SLC24A3: variants seen among roughly 807,000 people sequenced by gnomAD.
SLC24A3 encodes the protein solute carrier family 24 member 3, also known as sodium/potassium/calcium exchanger 3.
Under a neutral mutation model 75.8 loss-of-function variants are expected in SLC24A3, and 28 were observed. That is an observed-to-expected ratio of 0.37 (90% CI 0.27 to 0.51). The LOEUF (loss-of-function observed/expected upper bound fraction) is 0.51, where lower values mean the gene tolerates loss of function less well. Among genes scored for constraint, SLC24A3 ranks in the 20% least tolerant of loss-of-function variants. SLC24A3 has a pLI of 0.94. For synonymous variants in SLC24A3, 372 were observed against 334.1 expected (o/e 1.11, Z -1.24); for missense variants, 663 against 847.8 (o/e 0.78, Z 2.71).
At chr20:19,426,386 T>TA (rs1321436465) in intron 2 of SLC24A3, among the ~76,000 whole-genome samples, 2 of 152,220 alleles carry the variant, frequency 1.3e-5, no homozygotes, top group Non-Finnish European at 2.9e-5. Context: ...GGACTGTGTT[T>TA]AAAATTACTT....
intron 2 of SLC24A3, among the ~76,000 whole-genome samples, chr20:19,400,668 G>A (rs1986536368): frequency 6.6e-6 from 1 of 152,000 alleles, no homozygotes; most frequent in East Asian, 1.9e-4. Context: ...TAGCTGTCTT[G>A]GTCTCCTTAG....
intron 1 of SLC24A3, among the ~76,000 whole-genome samples, chr20:19,239,053 G>C (rs889012509): frequency 6.7e-6 from 1 of 150,080 alleles, no homozygotes; most frequent in Non-Finnish European, 1.5e-5. Flanking sequence ...ACAGTGTGGG[G>C]AAAAGTGTTA....
At chr20:19,245,732 A>T (rs1982468539) in intron 1 of SLC24A3, among the ~76,000 whole-genome samples, 1 of 152,130 alleles carries the variant, frequency 6.6e-6, no homozygotes, top group Non-Finnish European at 1.5e-5. Context: ...TTTAATGCTA[A>T]TGGTAATTTT....
At chr20:19,488,714 G>A (rs1266868220) in intron 2 of SLC24A3, among the ~76,000 whole-genome samples, 1 of 152,118 alleles carries the variant, frequency 6.6e-6, no homozygotes, top group Non-Finnish European at 1.5e-5. Flanking sequence ...TGAAATATTT[G>A]CATATACGTA....
intron 12 of SLC24A3, among the ~76,000 whole-genome samples, chr20:19,692,940 CCT>C (rs2032760964): frequency 6.6e-6 from 1 of 152,060 alleles, no homozygotes. Flanking sequence ...ACCTGAGTAT[CCT>C]CCTCTCTTTT....
At chr20:19,565,406 G>T (rs375504507) in intron 3 of SLC24A3, among the ~76,000 whole-genome samples, 14 of 77,042 alleles carry the variant, frequency 1.8e-4, no homozygotes, top group East Asian at 7.7e-4. Context: ...GTGTTCTCGG[G>T]GGGTGGGGGG....
chr20:19,232,038 AT>A (rs566528776), intron 1 of SLC24A3, among the ~76,000 whole-genome samples: 3 of 152,136 alleles, frequency 2.0e-5, no homozygotes, highest in South Asian at 2.1e-4. Context: ...TGGATGATTA[AT>A]TTTTTTCCCA....
At chr20:19,403,168 T>C (rs955991968) in intron 2 of SLC24A3, among the ~76,000 whole-genome samples, 32 of 152,234 alleles carry the variant, frequency 2.1e-4, no homozygotes, top group African/African-American at 6.0e-4. Flanking sequence ...AGTGTCACAA[T>C]TGTACTTTTC....
chr20:19,693,212 T>TGTG, intron 12 of SLC24A3, 47 bp from the exon 13 acceptor site: 1 of 1,555,756 alleles, frequency 6.4e-7, no homozygotes, highest in Non-Finnish European at 8.6e-7. Context: ...ACTGGGGTTC[T>TGTG]TTGTTATTTT....
intron 2 of SLC24A3, among the ~76,000 whole-genome samples, chr20:19,393,270 G>A (rs1019518531): frequency 6.6e-6 from 1 of 152,122 alleles, no homozygotes; most frequent in Admixed American, 6.5e-5. Flanking sequence ...GGGTACTCGA[G>A]GGTATGATAG....
At chr20:19,595,944 C>T (rs1201277930) in intron 6 of SLC24A3, among the ~76,000 whole-genome samples, 1 of 152,072 alleles carries the variant, frequency 6.6e-6, no homozygotes, top group Non-Finnish European at 1.5e-5. Context: ...AATGTTCATA[C>T]AGAAGCAAGC....
intron 9 of SLC24A3, 152 bp from the exon 10 acceptor site, chr20:19,681,706 G>A: frequency 1.7e-6 from 2 of 1,170,424 alleles, no homozygotes; most frequent in Non-Finnish European, 2.4e-6. Flanking sequence ...TATTCTGAGG[G>A]GGAATGGGTT....
At chr20:19,259,113 G>T (rs1982906315) in intron 1 of SLC24A3, among the ~76,000 whole-genome samples, 1 of 152,210 alleles carries the variant, frequency 6.6e-6, no homozygotes, top group South Asian at 2.1e-4. Context: ...TTATTTCATG[G>T]ATCTCCCAGG....
At chr20:19,429,690 T>C (rs188440982) in intron 2 of SLC24A3, among the ~76,000 whole-genome samples, 1 of 152,238 alleles carries the variant, frequency 6.6e-6, no homozygotes, top group East Asian at 1.9e-4. Context: ...AAATAAATAA[T>C]GTTCTGGGCC....
chr20:19,462,850 C>T (rs533618337), intron 2 of SLC24A3, among the ~76,000 whole-genome samples: 10 of 152,314 alleles, frequency 6.6e-5, no homozygotes, highest in African/African-American at 2.4e-4. Flanking sequence ...AATGCTTTTC[C>T]ACTTAGAAAA....
chr20:19,372,050 G>A (rs1370819698), intron 2 of SLC24A3, among the ~76,000 whole-genome samples: 1 of 152,182 alleles, frequency 6.6e-6, no homozygotes, highest in East Asian at 1.9e-4. Context: ...GCCTTGGAAG[G>A]GATGTGTAGG....
chr20:19,608,138 A>G (rs2031622214), intron 6 of SLC24A3, among the ~76,000 whole-genome samples: 2 of 152,236 alleles, frequency 1.3e-5, no homozygotes, highest in African/African-American at 4.8e-5. Context: ...AGGTGGACAC[A>G]ATCTTCTCTT....
chr20:19,592,568 TG>T (rs1284323564), intron 6 of SLC24A3, among the ~76,000 whole-genome samples: 1 of 152,166 alleles, frequency 6.6e-6, no homozygotes, highest in African/African-American at 2.4e-5. Context: ...CACACCTGGA[TG>T]TATCTGAGAT....
At chr20:19,665,827 GT>G (rs749311199) in intron 7 of SLC24A3, 36 bp from the exon 8 acceptor site, 2 of 1,454,450 alleles carry the variant, frequency 1.4e-6, no homozygotes, top group South Asian at 2.4e-5. Context: ...GTGTGTGTGT[GT>G]GTGTCTAATC....
Sources: allele counts gnomAD v4.1 joint callset (sites outside exome capture counted in the v4.1 genomes callset), GRCh38; gene constraint gnomAD v4.1.1; transcripts MANE v1.5; gene names NCBI Gene and HGNC (gene_info 2026-07-23, HGNC 2026-07-21).